The following AK8 variants were observed in gnomAD, a reference collection of about 807,000 sequenced individuals.
AK8 encodes the protein ATP-AMP transphosphorylase 8.
AK8 carries 44 observed loss-of-function variants against 54.6 expected under a neutral mutation model. That is an observed-to-expected ratio of 0.81 (90% confidence interval 0.63 to 1.04). The LOEUF is 1.04. Ranked by LOEUF, AK8 falls within the 50% of genes least tolerant of loss-of-function variation. The pLI, the probability that AK8 is intolerant of heterozygous loss-of-function variation, is 0.00. For missense variants in AK8, 555 were observed against 613.6 expected (o/e 0.90, Z 1.01); for synonymous variants, 239 against 245.6 (o/e 0.97, Z 0.25).
chr9:132,748,046 C>A (rs1837738246), intron 11 of AK8, among the ~76,000 whole-genome samples: 1 of 151,624 alleles, frequency 6.6e-6, no homozygotes, highest in South Asian at 2.1e-4. Context: ...TTGCAGTGAG[C>A]TGAGACGGTG....
At chr9:132,729,329 C>G (rs758324880) in intron 11 of AK8, among the ~76,000 whole-genome samples, 39 of 152,284 alleles carry the variant, frequency 2.6e-4, no homozygotes, top group African/African-American at 9.1e-4. Context: ...GGACAGCACC[C>G]ACCTCAAATA....
intron 11 of AK8, among the ~76,000 whole-genome samples, chr9:132,740,340 AG>A (rs1287225177): frequency 6.6e-6 from 1 of 152,250 alleles, no homozygotes; most frequent in Non-Finnish European, 1.5e-5. Context: ...AATGAGGCCT[AG>A]AAAGATCACA....
intron 5 of AK8, among the ~76,000 whole-genome samples, chr9:132,831,486 A>G (rs1842098544): frequency 1.3e-5 from 2 of 152,216 alleles, no homozygotes; most frequent in Admixed American, 6.5e-5. Flanking sequence ...GTCCAGGTAC[A>G]TTAGTAAAGG....
chr9:132,735,061 G>C (rs1380807755), intron 11 of AK8, among the ~76,000 whole-genome samples: 1 of 152,110 alleles, frequency 6.6e-6, no homozygotes, highest in Non-Finnish European at 1.5e-5. Flanking sequence ...AGCTCCTTGG[G>C]TGGCTGCAAT....
At chr9:132,783,247 G>C (rs1008193374) in intron 11 of AK8, among the ~76,000 whole-genome samples, 3 of 151,928 alleles carry the variant, frequency 2.0e-5, no homozygotes, top group Admixed American at 6.5e-5. Context: ...GATGGTGGGA[G>C]GGGTTGTGAG....
At chr9:132,814,572 C>A in intron 10 of AK8, 66 bp downstream of exon 10, 2 of 1,467,666 alleles carry the variant, frequency 1.4e-6, no homozygotes, top group Non-Finnish European at 1.9e-6. Context: ...GTTCAGAGAG[C>A]CGCACAAAAA....
chr9:132,762,793 A>C (rs1838543852), intron 11 of AK8, among the ~76,000 whole-genome samples: 2 of 152,078 alleles, frequency 1.3e-5, no homozygotes, highest in African/African-American at 4.8e-5. Flanking sequence ...AATTCCAGCT[A>C]CTTGCACCCA....
rs891973402 is a variant in AK8, at chr9:132,838,967, C to A, written c.403-10241G>T. On this transcript the variant is annotated intron_variant, in intron 5 of 12. Transcript: ENST00000298545. ...TATTTTTTTATTTTTTTGTTGAGAC[C>A]GAGTCTCCAACTGTCGCCCAGATGG... 3.9e-5 allele frequency among the ~76,000 whole-genome samples: 6 copies of A among 151,978 alleles called. No homozygotes were observed. In the East Asian group the frequency reaches 1.2e-3, roughly 29 times the overall value.
chr9:132,823,072 AAG>A, intron 9 of AK8, 131 bp downstream of exon 9: 1 of 1,281,202 alleles, frequency 7.8e-7, no homozygotes. Flanking sequence ...GTTAAGAACA[AAG>A]AGCCAGAAAG....
At chr9:132,872,476 T>A (rs1430595425) in intron 2 of AK8, among the ~76,000 whole-genome samples, 1 of 152,184 alleles carries the variant, frequency 6.6e-6, no homozygotes, top group African/African-American at 2.4e-5. Context: ...CATTTTTTTT[T>A]AGATAGAGTC....
Position 132,791,192 on chromosome 9 carries a change from G to A in AK8, c.1121+1442C>T, listed in dbSNP as rs114333330. Among the ~76,000 whole-genome samples the A allele has an allele frequency of 0.051, 7,838 of 152,204 alleles. 707 individuals carry two copies. Among genetic ancestry groups the A allele is most frequent in the African/African-American group, 0.18 (7,444 of 41,484 alleles). On this transcript the variant is annotated intron_variant, in intron 11 of 12. Transcript: ENST00000298545. This position sits in a 1 kb window ranked among gnomAD's most constrained non-coding sequence, Gnocchi z 4.0. ...TTACAGTCATGGCAAAAGGTAAAGGGGAAGCAAGGCACATCTTACATGGCA... is the reference window on the plus strand; with the variant it reads ...TTACAGTCATGGCAAAAGGTAAAGGAGAAGCAAGGCACATCTTACATGGCA...
At chr9:132,876,094 G>A (rs1844083746) in intron 1 of AK8, among the ~76,000 whole-genome samples, 1 of 152,158 alleles carries the variant, frequency 6.6e-6, no homozygotes, top group Non-Finnish European at 1.5e-5. Flanking sequence ...TAGCCCTCTT[G>A]GAGTGAAGGG....
chr9:132,726,768 C>G (rs182995032), intron 12 of AK8, among the ~76,000 whole-genome samples: 68 of 152,046 alleles, frequency 4.5e-4, no homozygotes, highest in African/African-American at 1.4e-3. Flanking sequence ...TGGGAGAGAC[C>G]GCAGGGACAG....
chr9:132,794,885 T>A (rs1241590802), intron 10 of AK8, among the ~76,000 whole-genome samples: 1 of 152,216 alleles, frequency 6.6e-6, no homozygotes, highest in Non-Finnish European at 1.5e-5. Context: ...GTCAGCTTCC[T>A]ATCTGCTGAA....
intron 5 of AK8, among the ~76,000 whole-genome samples, chr9:132,840,426 AC>A (rs1387770590): frequency 6.6e-6 from 1 of 151,744 alleles, no homozygotes; most frequent in African/African-American, 2.4e-5. Context: ...ACACACACAC[AC>A]ACACACACAC....
chr9:132,798,126 C>T (rs559195664), intron 10 of AK8, among the ~76,000 whole-genome samples: 1 of 152,308 alleles, frequency 6.6e-6, no homozygotes, highest in Admixed American at 6.5e-5. Flanking sequence ...GCAACAGACC[C>T]CACTGGGTGC....
intron 10 of AK8, among the ~76,000 whole-genome samples, chr9:132,800,634 C>T (rs776307727): frequency 6.6e-6 from 1 of 152,176 alleles, no homozygotes; most frequent in African/African-American, 2.4e-5. Context: ...TGCTTAACAA[C>T]GTTTAAAATT....
chr9:132,799,782 C>T lies in AK8; in HGVS notation c.980-7007G>A, dbSNP rs970071366. Among the ~76,000 whole-genome samples, 3 of 152,168 alleles carry T rather than the reference C, an allele frequency of 2.0e-5. No individual in the cohort carries two copies. Among genetic ancestry groups the T allele is most frequent in the South Asian group, 2.1e-4 (1 of 4,830 alleles). ...ACTGCCTCTCCTCATCCCTCACATT[C>T]GCTTCAAACTGCCCGGTGTAACTTC... On this transcript the variant is annotated intron_variant, in intron 10 of 12. Coordinates refer to ENST00000298545, the MANE Select transcript of AK8 (RefSeq NM_152572.3). This position sits in a 1 kb window ranked among gnomAD's most constrained non-coding sequence, Gnocchi z 5.0.
rs956531850 is a variant in AK8, at chr9:132,791,355, C to T, written c.1121+1279G>A. On this transcript the variant is annotated intron_variant, in intron 11 of 12. Transcript: ENST00000298545. The surrounding 1 kb of genome is among the most constrained non-coding windows in gnomAD (Gnocchi z 4.0). ...TGATCCGATCACCTCTCACCAGGTC[C>T]CTCCCTAACATGTGGGGATTATAGT... Among the ~76,000 whole-genome samples, 2 of 152,112 alleles carry T rather than the reference C, an allele frequency of 1.3e-5. No individual in the cohort carries two copies. Among genetic ancestry groups the T allele is most frequent in the Non-Finnish European group, 2.9e-5 (2 of 68,028 alleles).
Sources: gnomAD v4.1 joint callset for allele counts (sites outside exome capture counted in the v4.1 genomes callset) on GRCh38, gnomAD v4.1.1 for gene constraint, Gnocchi (gnomAD v3.1) non-coding constraint, MANE v1.5 for transcripts, NCBI Gene and HGNC (gene_info 2026-07-23, HGNC 2026-07-21) for gene names.